The following EPHB4 variants were observed in gnomAD, a reference collection of about 807,000 sequenced individuals.
EPHB4 encodes EPH receptor B4.
A neutral mutation model predicts 110.6 loss-of-function variants in EPHB4; 50 were observed. That is an observed-to-expected ratio of 0.45 (90% CI 0.36 to 0.57). The LOEUF is 0.57. Ranked by LOEUF, EPHB4 falls within the 20% of genes least tolerant of loss-of-function variation. The pLI, the probability that EPHB4 is intolerant of heterozygous loss-of-function variation, is 0.00. For missense variants in EPHB4, 1,128 were observed against 1,382.1 expected, an observed-to-expected ratio of 0.82 and a Z score of 2.91; for synonymous variants, 592 against 578.4, an observed-to-expected ratio of 1.02 and a Z score of -0.34.
intron 5 of EPHB4, 24 bp downstream of exon 5, chr7:100,820,117 T>C (rs768269267): frequency 3.1e-6 from 5 of 1,609,874 alleles, no homozygotes; most frequent in South Asian, 1.1e-5. Context: ...CCCAGTGAAC[T>C]GCACCTGGGT....
At position 100,803,589 on chromosome 7, in the gene EPHB4, C is replaced by G; in HGVS notation, c.2836G>C (p.Asp946His). The G allele has an allele frequency of 2.5e-6, 4 of 1,601,788 alleles. No homozygotes were observed. The highest frequency in any genetic ancestry group is 3.4e-6 in the Non-Finnish European group (4 of 1,171,964). ...FELVSQISAE[D>H]LLRIGVTLAG... is the part of the protein sequence containing the mutation. ...AGAGTGACTCCGATTCGGAGCAGGT[C>G]CCTGCAGAAGGAAAGGAGAGCTTGG... The change falls in exon 17 of 17, where the codon GAC becomes CAC. Residue 946 changes from aspartate to histidine, a missense_variant and splice_region_variant. Around this residue, in one of 3 missense-constraint regions of EPHB4, gnomAD observed 209 missense variants for 240.5 expected, o/e 0.87. Coordinates refer to ENST00000358173, the MANE Select transcript of EPHB4 (RefSeq NM_004444.5).
Position 100,802,928 on chromosome 7 carries a change from C to T in EPHB4, c.*533G>A, listed in dbSNP as rs904345173. The T allele has an allele frequency of 6.6e-6, 1 of 152,176 alleles. No individual in the cohort carries two copies. Among genetic ancestry groups the T allele is most frequent in the Non-Finnish European group, 1.5e-5 (1 of 68,042 alleles). The allele number at this position is 152,176 out of a possible 1,614,324, so 9.4% of individuals were successfully genotyped here. On this transcript the variant is annotated 3_prime_UTR_variant, in exon 17 of 17. Coordinates refer to ENST00000358173, the MANE Select transcript of EPHB4 (RefSeq NM_004444.5). The stretch of plus-strand genomic sequence containing the variant: ...AGGGAACGGGGAGAAAAATTAAGAC[C>T]AAAAACAAAACTCAAAAACCTTCAA...
At position 100,819,538 on chromosome 7, in the gene EPHB4, C is replaced by A. The variant is rs775603302; in HGVS notation, c.1297+19G>T. ...TCTCTCCCGCCAGACCACCAGCCGC[C>A]CCAGCCCCCAAGTCTCACCCTCTCG... On this transcript the variant is annotated intron_variant, in intron 6 of 16. Coordinates refer to ENST00000358173, the MANE Select transcript of EPHB4 (RefSeq NM_004444.5). The A allele has an allele frequency of 7.8e-6, 12 of 1,536,986 alleles. No individual in the cohort carries two copies. Among genetic ancestry groups the A allele is most frequent in the Non-Finnish European group, 9.7e-6 (11 of 1,138,188 alleles).
chr7:100,817,007 CG>C (rs1383756762), intron 8 of EPHB4, among the ~76,000 whole-genome samples, 184 bp downstream of exon 8: 2 of 141,120 alleles, frequency 1.4e-5, no homozygotes, highest in Non-Finnish European at 3.0e-5. Flanking sequence ...GGCTTGAATC[CG>C]GGAGGCGGAG....
intron 16 of EPHB4, 113 bp downstream of exon 16, chr7:100,805,053 A>G: frequency 2.7e-5 from 37 of 1,350,858 alleles, no homozygotes; most frequent in Non-Finnish European, 3.6e-5. Flanking sequence ...AGCGCAGTGC[A>G]AGAAGACAGC....
intron 7 of EPHB4, among the ~76,000 whole-genome samples, chr7:100,817,920 G>A (rs547039893): frequency 1.7e-5 from 2 of 116,804 alleles, no homozygotes; most frequent in South Asian, 3.0e-4. Context: ...AGGCCGGACT[G>A]CAGTGGCGCT....
rs547352596 is a variant in EPHB4, at chr7:100,820,473, A to AG, written c.809-178_809-177insC. ...TATCGAGATCCCATCTCCAAAAAAA[A>AG]AAAAAAAAATTCCAGCTTCTTTTAA... On this transcript the variant is annotated intron_variant, in intron 4 of 16. Coordinates refer to ENST00000358173, the MANE Select transcript of EPHB4 (RefSeq NM_004444.5). 6.7e-4 allele frequency: 413 copies of AG among 619,744 alleles called. 11 individuals are homozygous for AG. In the Admixed American group the frequency reaches 0.014, roughly 21 times the overall value. The allele number at this position is 619,744 out of a possible 1,614,324, so 38.4% of individuals were successfully genotyped here.
intron 6 of EPHB4, 37 bp downstream of exon 6, chr7:100,819,520 C>G: frequency 6.5e-7 from 1 of 1,530,698 alleles, no homozygotes; most frequent in Non-Finnish European, 8.8e-7. Context: ...ACATCTCTCC[C>G]GCCAGACCAC....
chr7:100,805,456 G>T (rs776907382), intron 15 of EPHB4, 45 bp downstream of exon 15: 5 of 1,537,040 alleles, frequency 3.3e-6, no homozygotes, highest in Non-Finnish European at 4.4e-6. Context: ...GGCAAGGAGT[G>T]GGGGCAGAGA....
intron 7 of EPHB4, 149 bp downstream of exon 7, chr7:100,818,371 G>T: frequency 8.4e-7 from 1 of 1,184,052 alleles, no homozygotes. Context: ...CTGAGGCTCA[G>T]ACAGGCCAAG....
chr7:100,806,081 C>A (rs1812812221), intron 14 of EPHB4: 5 of 261,420 alleles, frequency 1.9e-5, no homozygotes, highest in Non-Finnish European at 3.6e-5. Flanking sequence ...GTCTCAGCCT[C>A]CTGAGTAGCT....
At chr7:100,814,113 G>C in intron 8 of EPHB4, 92 bp from the exon 9 acceptor site, 1 of 1,399,718 alleles carries the variant, frequency 7.1e-7, no homozygotes, top group Non-Finnish European at 9.8e-7. Context: ...GATCTCCTGA[G>C]AACAGGTCCC....
At chr7:100,806,152 G>C in intron 14 of EPHB4, 1 of 275,108 alleles carries the variant, frequency 3.6e-6, no homozygotes, top group South Asian at 1.0e-4. Flanking sequence ...TAGAGACGGG[G>C]TTTCACCATG....
At chr7:100,814,077 A>G in intron 8 of EPHB4, 56 bp from the exon 9 acceptor site, 1 of 1,590,432 alleles carries the variant, frequency 6.3e-7, no homozygotes, top group Admixed American at 1.8e-5. Context: ...AGGAGGCCCC[A>G]GCCCCGGCTT....
chr7:100,815,269 G>A (rs552083441), intron 8 of EPHB4, among the ~76,000 whole-genome samples: 17 of 151,628 alleles, frequency 1.1e-4, no homozygotes, highest in African/African-American at 3.4e-4. Context: ...GCTGCAGTGA[G>A]CTGTAATTGA....
chr7:100,816,068 CAGG>C (rs1466810003), intron 8 of EPHB4, among the ~76,000 whole-genome samples: 3 of 150,004 alleles, frequency 2.0e-5, no homozygotes, highest in Non-Finnish European at 4.4e-5. Context: ...GCGGGTGGAT[CAGG>C]AGGTCAGCAG....
At chr7:100,823,016 T>C (rs1459307492) in intron 3 of EPHB4, among the ~76,000 whole-genome samples, 1 of 152,206 alleles carries the variant, frequency 6.6e-6, no homozygotes, top group Non-Finnish European at 1.5e-5. Context: ...CCGGGCGTAG[T>C]GCCTCATGCC....
chr7:100,818,635 G>A lies in EPHB4; in HGVS notation c.1307C>T (p.Ala436Val), dbSNP rs1383546367. Residue 436 changes from alanine (A) to valine (V), a missense_variant, in exon 7 of 17, where the codon GCA becomes GTA. Physicochemically the swap from Ala to Val is moderately conservative, Grantham distance 64. Coordinates refer to ENST00000358173, the MANE Select transcript of EPHB4 (RefSeq NM_004444.5). Reference protein sequence around the residue: ...NVTTDREVPPAVSDIRVTRSS... With the variant: ...NVTTDREVPPVVSDIRVTRSS... ...CCGCGTCACCCGGATGTCAGACACT[G>A]CAGGAGGTACTGTGAGAGGCAGAGA... 2 of 1,609,698 alleles carry A rather than the reference G, an allele frequency of 1.2e-6. No homozygotes were observed. Among genetic ancestry groups the A allele is most frequent in the Non-Finnish European group, 1.7e-6 (2 of 1,179,780 alleles).
intron 1 of EPHB4, chr7:100,826,770 T>C (rs1584670164): frequency 9.5e-6 from 5 of 526,198 alleles, no homozygotes; most frequent in Non-Finnish European, 1.3e-5. Flanking sequence ...CCAGACTCCA[T>C]CTCTTTCCCA....
Sources: gnomAD v4.1 joint callset for allele counts (sites outside exome capture counted in the v4.1 genomes callset) on GRCh38, gnomAD v4.1.1 for gene constraint, gnomAD v4.1.1 regional missense constraint, MANE v1.5 for transcripts, NCBI Gene and HGNC (gene_info 2026-07-23, HGNC 2026-07-21) for gene names.